ISG20: variants seen among roughly 807,000 people sequenced by gnomAD.
ISG20 encodes the protein interferon-stimulated gene 20 kDa protein.
In ISG20, 8 loss-of-function variants were observed where a neutral mutation model predicts 11.1. That is an observed-to-expected ratio of 0.72 (90% CI 0.42 to 1.30). The LOEUF is 1.30. Among genes scored for constraint, ISG20 ranks in the 50% most tolerant of loss-of-function variants. The probability of loss-of-function intolerance (pLI) is 0.01; values close to 1 mark genes in which losing one functional copy is unlikely to be tolerated. For synonymous variants in ISG20, 110 were observed against 101.7 expected (o/e 1.08, Z -0.49); for missense variants, 243 against 250.2 (o/e 0.97, Z 0.19).
At position 88,650,226 on chromosome 15, in the gene ISG20, T is replaced by G; in HGVS notation, c.229-1884T>G. On this transcript the variant is annotated intron_variant, in intron 2 of 3. Coordinates refer to ENST00000306072, the MANE Select transcript of ISG20 (RefSeq NM_002201.6). The surrounding 1 kb of genome is among the most constrained non-coding windows in gnomAD (Gnocchi z 4.0). ...TCCCTAATAGAGCTCACATCTGTTC[T>G]ATTTTCAGGTCCCCTTCCCATCCTC... 3.3e-6 allele frequency: 5 copies of G among 1,535,306 alleles called. No individual in the cohort carries two copies. The highest frequency in any genetic ancestry group is 4.4e-6 in the Non-Finnish European group (5 of 1,146,522).
intron 3 of ISG20, among the ~76,000 whole-genome samples, chr15:88,655,048 C>T (rs963766114): frequency 2.6e-5 from 4 of 152,258 alleles, no homozygotes; most frequent in Admixed American, 2.6e-4. Flanking sequence ...TCCCTGTGTC[C>T]CTAGCTGGAG....
chr15:88,640,473 A>C (rs2058061657), intron 2 of ISG20, among the ~76,000 whole-genome samples: 2 of 152,200 alleles, frequency 1.3e-5, no homozygotes, highest in Non-Finnish European at 2.9e-5. Context: ...GTCCTCAGGA[A>C]CTGTTAACGC....
intron 3 of ISG20, among the ~76,000 whole-genome samples, chr15:88,653,009 C>T (rs1039402328): frequency 4.6e-5 from 7 of 151,948 alleles, no homozygotes; most frequent in Admixed American, 2.0e-4. Context: ...AAAAGGCATA[C>T]GGATATGGGG....
At chr15:88,644,528 T>G (rs1159388707) in intron 2 of ISG20, among the ~76,000 whole-genome samples, 1 of 104,574 alleles carries the variant, frequency 9.6e-6, no homozygotes. Flanking sequence ...TGAGACTTAG[T>G]CTCCAAAAAA....
At chr15:88,645,097 A>T (rs895291991) in intron 2 of ISG20, among the ~76,000 whole-genome samples, 2 of 152,186 alleles carry the variant, frequency 1.3e-5, no homozygotes, top group African/African-American at 4.8e-5. Context: ...GGCACTTGAT[A>T]GCCACTGAAC....
At chr15:88,641,912 C>G (rs920731991) in intron 2 of ISG20, among the ~76,000 whole-genome samples, 3 of 147,594 alleles carry the variant, frequency 2.0e-5, no homozygotes, top group Non-Finnish European at 3.0e-5. Context: ...GCCACTGCAC[C>G]TGGTTAGCTT....
In ISG20 at chr15:88,652,137, G is replaced by A. The variant is rs2058283064; in HGVS notation, c.256G>A (p.Val86Met). The change falls in exon 3 of 4, where the codon GTG (valine) becomes ATG (methionine). Residue 86 changes from valine (V) to methionine (M), a missense_variant. Coordinates refer to ENST00000306072, the MANE Select transcript of ISG20 (RefSeq NM_002201.6). Reference sequence around the variant, plus strand: ...CCTGCAGCTCCTGAAAGGCAAGCTGGTGGTGGGTCATGACCTGAAGCACGA... The same window carrying A: ...CCTGCAGCTCCTGAAAGGCAAGCTGATGGTGGGTCATGACCTGAAGCACGA... Reference protein sequence around the residue: ...EILQLLKGKLVVGHDLKHDFQ... With the variant: ...EILQLLKGKLMVGHDLKHDFQ... 2 of 1,614,100 alleles carry A rather than the reference G, an allele frequency of 1.2e-6. No individual in the cohort carries two copies. Among genetic ancestry groups the A allele is most frequent in the Non-Finnish European group, 1.7e-6 (2 of 1,179,994 alleles).
At chr15:88,644,553 GAC>G (rs869161055) in intron 2 of ISG20, among the ~76,000 whole-genome samples, 19 of 101,382 alleles carry the variant, frequency 1.9e-4, no homozygotes, top group South Asian at 1.1e-3. Flanking sequence ...AAAAAGAAAA[GAC>G]AAAAAAAAAA....
At position 88,645,301 on chromosome 15, in the gene ISG20, G is replaced by A. The variant is rs1217926136; in HGVS notation, c.228+5707G>A. Among the ~76,000 whole-genome samples the A allele has an allele frequency of 2.6e-5, 4 of 152,176 alleles. No homozygotes were observed. In the East Asian group the frequency reaches 7.7e-4, roughly 29 times the overall value. ...TCATGCGGGTCAGATGCCGTGACAT[G>A]GACTGTGGCCCTAAGCGCGGTGCCT... On this transcript the variant is annotated intron_variant, in intron 2 of 3. Coordinates refer to ENST00000306072, the MANE Select transcript of ISG20 (RefSeq NM_002201.6).
intron 2 of ISG20, among the ~76,000 whole-genome samples, chr15:88,645,588 A>C (rs2058158497): frequency 6.6e-6 from 1 of 152,062 alleles, no homozygotes; most frequent in Non-Finnish European, 1.5e-5. Context: ...AGCACCTAGC[A>C]GTCAGGCTCT....
chr15:88,639,546 C>A lies in ISG20; in HGVS notation c.180C>A (p.Thr60=). The A allele has an allele frequency of 6.2e-7, 1 of 1,614,196 alleles. No individual in the cohort carries two copies. The highest frequency in any genetic ancestry group is 8.5e-7 in the Non-Finnish European group (1 of 1,180,032). ...TDYRTRVSGV[T]PQHMVGATPF... is the part of the protein sequence containing the mutation. ...ACAGAACCCGGGTCAGCGGGGTCACCCCTCAGCACATGGTGGGGGCCACAC... is the reference window on the plus strand; with the variant it reads ...ACAGAACCCGGGTCAGCGGGGTCACACCTCAGCACATGGTGGGGGCCACAC... The change falls in exon 2 of 4, where the codon ACC becomes ACA. Residue 60 remains threonine (T), a synonymous_variant. Coordinates refer to ENST00000306072, the MANE Select transcript of ISG20 (RefSeq NM_002201.6). This position sits in a 1 kb window ranked among gnomAD's most constrained non-coding sequence, Gnocchi z 4.2.
At chr15:88,638,441 C>T (rs114499251), upstream of ISG20, among the ~76,000 whole-genome samples, 772 of 152,306 alleles carry the variant, frequency 5.1e-3, 8 homozygotes, top group African/African-American at 0.018. Context: ...AGAGTCAGCC[C>T]CACTGGAGGC....
chr15:88,638,617 AAG>A (rs1161350668), upstream of ISG20: 1 of 152,462 alleles, frequency 6.6e-6, no homozygotes, highest in African/African-American at 2.4e-5. Context: ...CCTACCCCAT[AAG>A]AGACCACTGA....
intron 2 of ISG20, among the ~76,000 whole-genome samples, chr15:88,641,596 C>G (rs1471464225): frequency 6.6e-6 from 1 of 152,138 alleles, no homozygotes; most frequent in Admixed American, 6.5e-5. Flanking sequence ...GTTCACATGG[C>G]ATTCTCTCTG....
intron 2 of ISG20, among the ~76,000 whole-genome samples, chr15:88,642,849 C>T (rs1263603480): frequency 6.6e-6 from 1 of 152,102 alleles, no homozygotes; most frequent in East Asian, 2.0e-4. Context: ...TGCCTCACCT[C>T]AAGTGATCCA....
At position 88,651,967 on chromosome 15, in the gene ISG20, A is replaced by G. The variant is rs796666818; in HGVS notation, c.229-143A>G. On this transcript the variant is annotated intron_variant, in intron 2 of 3. Transcript: ENST00000306072. ...CTAGTGCAATCTCTTCTTTTCAAAG[A>G]TGATACATTTGAAGCCCAGGGAGGA... The G allele has an allele frequency of 2.0e-6, 3 of 1,465,510 alleles. No individual in the cohort carries two copies. In the Admixed American group the frequency reaches 7.5e-5, roughly 36 times the overall value. The allele number at this position is 1,465,510 out of a possible 1,614,324, so 90.8% of individuals were successfully genotyped here. A position where few individuals can be genotyped will look rare whatever the true frequency, so the allele number is the denominator to read the frequency against.
chr15:88,653,295 G>A (rs1472206390), intron 3 of ISG20, among the ~76,000 whole-genome samples: 1 of 152,126 alleles, frequency 6.6e-6, no homozygotes, highest in African/African-American at 2.4e-5. Flanking sequence ...TGAAGGATGG[G>A]GCTGGCAGGG....
At chr15:88,644,532 CAAAA>C (rs373461017) in intron 2 of ISG20, among the ~76,000 whole-genome samples, 1 of 89,150 alleles carries the variant, frequency 1.1e-5, no homozygotes, top group Admixed American at 1.2e-4. Flanking sequence ...ACTTAGTCTC[CAAAA>C]AAAAAAAAAA....
Position 88,650,293 on chromosome 15 carries a change from G to T in ISG20, c.229-1817G>T. On this transcript the variant is annotated intron_variant, in intron 2 of 3. Transcript: ENST00000306072. The surrounding 1 kb of genome is among the most constrained non-coding windows in gnomAD (Gnocchi z 4.0). Reference sequence around the variant, plus strand: ...TGAAAGCAAGCTGACTGGCCTGTGTGACCAGAGCAGGGCAGGCTGTCCATG... The same window carrying T: ...TGAAAGCAAGCTGACTGGCCTGTGTTACCAGAGCAGGGCAGGCTGTCCATG... 1 of 1,535,644 alleles carries T rather than the reference G, an allele frequency of 6.5e-7. No individual in the cohort carries two copies. Among genetic ancestry groups the T allele is most frequent in the South Asian group, 1.2e-5 (1 of 84,028 alleles).
Sources: gnomAD v4.1 joint callset for allele counts (sites outside exome capture counted in the v4.1 genomes callset) on GRCh38, gnomAD v4.1.1 for gene constraint, Gnocchi (gnomAD v3.1) non-coding constraint, MANE v1.5 for transcripts, NCBI Gene and HGNC (gene_info 2026-07-23, HGNC 2026-07-21) for gene names.